Variants in CYP2C18 observed in about 807,000 individuals in gnomAD.
CYP2C18 encodes the protein cytochrome P450 2C18.
In CYP2C18, 38 loss-of-function variants were observed where a neutral mutation model predicts 41.3. The observed-to-expected ratio is 0.92, with a 90% CI of 0.71 to 1.21. CYP2C18 has a LOEUF of 1.21. Ranked by LOEUF, CYP2C18 falls within the 50% of genes most tolerant of loss-of-function variation. CYP2C18 has a pLI of 0.00. For synonymous variants in CYP2C18, 236 were observed against 210.0 expected (o/e 1.12, Z -1.07); for missense variants, 635 against 591.4 (o/e 1.07, Z -0.77).
intron 3 of CYP2C18, among the ~76,000 whole-genome samples, chr10:94,688,719 T>A (rs1389795454): frequency 6.6e-6 from 1 of 152,152 alleles, no homozygotes; most frequent in Non-Finnish European, 1.5e-5. Flanking sequence ...TTTAATCCTA[T>A]TGTGTCCCAG....
At position 94,683,882 on chromosome 10, in the gene CYP2C18, G is replaced by A. The variant is rs769385060; in HGVS notation, c.63G>A (p.Arg21=). 8.7e-6 allele frequency: 14 copies of A among 1,611,384 alleles called. No individual in the cohort carries two copies. Among genetic ancestry groups the A allele is most frequent in the Non-Finnish European group, 1.2e-5 (14 of 1,178,774 alleles). Residue 21 remains arginine, a synonymous_variant, in exon 1 of 9, where the codon AGG becomes AGA. Coordinates refer to ENST00000285979, the MANE Select transcript of CYP2C18 (RefSeq NM_000772.3). ...GTTTGTTTCTCCTTTCACTCTGGAG[G>A]CAGAGCTCTGGAAGAGGGAGGCTCC... ...LSCLFLLSLW[R]QSSGRGRLPS...
chr10:94,717,892 T>C (rs554187662), intron 5 of CYP2C18, among the ~76,000 whole-genome samples: 1 of 152,138 alleles, frequency 6.6e-6, no homozygotes, highest in African/African-American at 2.4e-5. Flanking sequence ...ATGTGATGCC[T>C]CCAGCTTTCT....
At chr10:94,692,288 T>C (rs1047919926) in intron 3 of CYP2C18, among the ~76,000 whole-genome samples, 1 of 151,710 alleles carries the variant, frequency 6.6e-6, no homozygotes, top group African/African-American at 2.4e-5. Context: ...GACAAAGGGC[T>C]AATATCCAGA....
intron 5 of CYP2C18, among the ~76,000 whole-genome samples, chr10:94,709,852 C>G (rs1031684906): frequency 6.6e-6 from 1 of 152,172 alleles, no homozygotes; most frequent in African/African-American, 2.4e-5. Context: ...GTTGAAAAGA[C>G]TATTCATTCC....
At chr10:94,693,448 A>G (rs979167655) in intron 3 of CYP2C18, among the ~76,000 whole-genome samples, 1 of 152,184 alleles carries the variant, frequency 6.6e-6, no homozygotes, top group Non-Finnish European at 1.5e-5. Flanking sequence ...CTTTTCTTAT[A>G]AATTACCTAG....
intron 6 of CYP2C18, among the ~76,000 whole-genome samples, chr10:94,720,764 A>C (rs1847633605): frequency 6.6e-6 from 1 of 152,172 alleles, no homozygotes; most frequent in Non-Finnish European, 1.5e-5. Context: ...AGCAAAAGTA[A>C]TAAAGCCCTG....
intron 5 of CYP2C18, among the ~76,000 whole-genome samples, chr10:94,720,049 T>C (rs1263834940): frequency 2.0e-5 from 3 of 152,132 alleles, no homozygotes; most frequent in Non-Finnish European, 2.9e-5. Flanking sequence ...CAAGGTGATA[T>C]CTATATCACC....
intron 3 of CYP2C18, among the ~76,000 whole-genome samples, chr10:94,693,030 G>A (rs921705349): frequency 3.9e-5 from 6 of 152,042 alleles, no homozygotes; most frequent in African/African-American, 1.4e-4. Flanking sequence ...GGGGAAGGGG[G>A]GAGGGATAGC....
Position 94,734,749 on chromosome 10 carries a change from G to A in CYP2C18, c.1292-514G>A, listed in dbSNP as rs866943723. ...CTGGGAACAGAATGTGAAGAGTCAG[G>A]TCAAGCCATTTGGCCTTTATCCCAT... On this transcript the variant is annotated intron_variant, in intron 8 of 8. Coordinates refer to ENST00000285979, the MANE Select transcript of CYP2C18 (RefSeq NM_000772.3). 3.9e-5 allele frequency among the ~76,000 whole-genome samples: 6 copies of A among 152,248 alleles called. No homozygotes were observed. The Middle Eastern group carries it at 0.01, about 259-fold the overall frequency.
At chr10:94,706,666 C>T in intron 4 of CYP2C18, 118 bp from the exon 5 acceptor site, 1 of 589,346 alleles carries the variant, frequency 1.7e-6, no homozygotes, top group Non-Finnish European at 3.0e-6. Flanking sequence ...ATCAAATGCT[C>T]CTCTTACAGA....
Position 94,688,147 on chromosome 10 carries a change from G to C in CYP2C18, c.354G>C (p.Lys118Asn), listed in dbSNP as rs1410411940. The change falls in exon 3 of 9, where the codon AAG becomes AAC. Residue 118 changes from lysine (K) to asparagine (N), a missense_variant. By Grantham distance (94) the Lys-to-Asn change is moderately conservative. Coordinates refer to ENST00000285979, the MANE Select transcript of CYP2C18 (RefSeq NM_000772.3). Reference protein sequence around the residue: ...KGLGILFSNGKRWKEIRRFCL... With the variant: ...KGLGILFSNGNRWKEIRRFCL... Reference sequence around the variant, plus strand: ...TAGGAATCCTTTTCAGCAATGGAAAGAGATGGAAGGAGATCCGGCGTTTCT... The same window carrying C: ...TAGGAATCCTTTTCAGCAATGGAAACAGATGGAAGGAGATCCGGCGTTTCT... 1.4e-5 allele frequency: 22 copies of C among 1,613,584 alleles called. No homozygotes were observed. The highest frequency in any genetic ancestry group is 1.9e-5 in the Non-Finnish European group (22 of 1,179,808).
intron 6 of CYP2C18, 125 bp from the exon 7 acceptor site, chr10:94,724,221 A>T (rs1847694162): frequency 4.4e-6 from 4 of 911,108 alleles, no homozygotes; most frequent in Non-Finnish European, 7.0e-6. Flanking sequence ...GTCTAGGTGT[A>T]CTTTCAGTCC....
At chr10:94,707,318 G>T (rs1471281372) in intron 5 of CYP2C18, among the ~76,000 whole-genome samples, 5 of 152,302 alleles carry the variant, frequency 3.3e-5, no homozygotes, top group African/African-American at 1.2e-4. Context: ...TGGGCCTCCT[G>T]CATGTCCTGA....
At chr10:94,726,582 G>A (rs981482473) in intron 7 of CYP2C18, among the ~76,000 whole-genome samples, 5 of 152,030 alleles carry the variant, frequency 3.3e-5, no homozygotes, top group African/African-American at 1.2e-4. Flanking sequence ...TCTTAATCTA[G>A]TCTATCATTG....
intron 4 of CYP2C18, among the ~76,000 whole-genome samples, chr10:94,698,005 G>C (rs12773884): frequency 0.17 from 25,275 of 151,884 alleles, 2,276 homozygotes; most frequent in South Asian, 0.33. Flanking sequence ...CCTACGAAGA[G>C]ACTTAGACTC....
intron 8 of CYP2C18, among the ~76,000 whole-genome samples, chr10:94,733,939 G>C (rs1480367669): frequency 6.6e-6 from 1 of 152,026 alleles, no homozygotes; most frequent in Non-Finnish European, 1.5e-5. Flanking sequence ...TAGGAGGAAG[G>C]CTGCCAGAGG....
At chr10:94,690,491 T>G (rs563714936) in intron 3 of CYP2C18, among the ~76,000 whole-genome samples, 1 of 152,072 alleles carries the variant, frequency 6.6e-6, no homozygotes, top group Non-Finnish European at 1.5e-5. Context: ...CAGGAAGAAG[T>G]TGAATCTCTG....
chr10:94,710,331 C>T (rs1332213277), intron 5 of CYP2C18, among the ~76,000 whole-genome samples: 1 of 152,168 alleles, frequency 6.6e-6, no homozygotes, highest in African/African-American at 2.4e-5. Flanking sequence ...TTTGTTCTTT[C>T]CCAAGATTGT....
In CYP2C18 at chr10:94,699,206, T is replaced by C. The variant is rs1024450741; in HGVS notation, c.642+4129T>C. On this transcript the variant is annotated intron_variant, in intron 4 of 8. Transcript: ENST00000285979. ...GAGAACTTTAGACCAATATCCCTGA[T>C]GAACATCGATGCAAAAATCCTCAAC... Among the ~76,000 whole-genome samples the C allele has an allele frequency of 2.6e-5, 4 of 152,196 alleles. No individual in the cohort carries two copies. The South Asian group carries it at 6.2e-4, about 24-fold the overall frequency.
Sources: gnomAD v4.1 joint callset for allele counts (sites outside exome capture counted in the v4.1 genomes callset) on GRCh38, gnomAD v4.1.1 for gene constraint, MANE v1.5 for transcripts, NCBI Gene and HGNC (gene_info 2026-07-23, HGNC 2026-07-21) for gene names.